The following CNNM2 variants were observed in gnomAD, a reference collection of about 807,000 sequenced individuals.
CNNM2 encodes metal transporter CNNM2.
A neutral mutation model predicts 66.9 loss-of-function variants in CNNM2; 12 were observed. That is an observed-to-expected ratio of 0.18 (90% CI 0.11 to 0.29). The LOEUF is 0.29. Ranked by LOEUF, CNNM2 falls within the 10% of genes least tolerant of loss-of-function variation. The pLI is 1.00. For synonymous variants in CNNM2, 557 were observed against 501.8 expected (o/e 1.11, Z -1.47); for missense variants, 705 against 1,167.7 (o/e 0.60, Z 5.77).
Position 103,054,351 on chromosome 10 carries a change from A to G in CNNM2, c.1788A>G (p.Lys596=). The G allele has an allele frequency of 6.2e-7, 1 of 1,613,982 alleles. No homozygotes were observed. The highest frequency in any genetic ancestry group is 8.5e-7 in the Non-Finnish European group (1 of 1,179,870). The part of the protein sequence containing the change: ...DLYTDNRTKK[K]VAHRERKQDF... ...TAGCTGACAACAGAACGAAAAAGAA[A>G]GTGGCTCACCGGGAACGAAAGCAAG... is the stretch of plus-strand genomic sequence containing the variant. The change falls in exon 3 of 8, where the codon AAA becomes AAG. Residue 596 remains lysine (K), a synonymous_variant. Coordinates refer to ENST00000369878, the MANE Select transcript of CNNM2 (RefSeq NM_017649.5). This position sits in a 1 kb window ranked among gnomAD's most constrained non-coding sequence, Gnocchi z 5.2.
chr10:102,924,736 C>T (rs1845790256), intron 1 of CNNM2, among the ~76,000 whole-genome samples: 1 of 151,888 alleles, frequency 6.6e-6, no homozygotes, highest in South Asian at 2.1e-4. Flanking sequence ...TTCCAAGGTG[C>T]TGGGATTACA....
At chr10:103,066,200 G>A (rs1447712778) in intron 4 of CNNM2, among the ~76,000 whole-genome samples, 1 of 151,804 alleles carries the variant, frequency 6.6e-6, no homozygotes, top group Admixed American at 6.6e-5. Flanking sequence ...CTCTGCCATG[G>A]TCCTGTTATG....
chr10:102,980,130 G>T (rs1048199387), intron 1 of CNNM2, among the ~76,000 whole-genome samples: 2 of 151,750 alleles, frequency 1.3e-5, no homozygotes, highest in African/African-American at 4.8e-5. Context: ...TGGCAGGCTG[G>T]TCTCAGACGC....
chr10:103,020,966 T>C (rs2064564352), intron 1 of CNNM2, among the ~76,000 whole-genome samples: 1 of 152,120 alleles, frequency 6.6e-6, no homozygotes, highest in South Asian at 2.1e-4. Flanking sequence ...GGAGTGATCA[T>C]AGAAGAGAGT....
chr10:102,989,469 A>G (rs2063856906), intron 1 of CNNM2, among the ~76,000 whole-genome samples: 2 of 151,058 alleles, frequency 1.3e-5, no homozygotes, highest in Admixed American at 1.3e-4. Flanking sequence ...TATTTGCTTT[A>G]TGTTCTTAAA....
intron 1 of CNNM2, among the ~76,000 whole-genome samples, chr10:102,930,128 T>C (rs140270965): frequency 2.0e-5 from 3 of 152,242 alleles, no homozygotes; most frequent in East Asian, 3.9e-4. Flanking sequence ...TGGAAGTAAA[T>C]ATCTAACACT....
At chr10:103,048,907 G>C (rs990329008) in intron 1 of CNNM2, among the ~76,000 whole-genome samples, 1 of 152,126 alleles carries the variant, frequency 6.6e-6, no homozygotes, top group African/African-American at 2.4e-5. Flanking sequence ...CTAGGCTGGA[G>C]TGCAGTGGCT....
chr10:103,028,306 TTC>T (rs2064746118), intron 1 of CNNM2, among the ~76,000 whole-genome samples: 1 of 152,250 alleles, frequency 6.6e-6, no homozygotes, highest in South Asian at 2.1e-4. Context: ...CATCTAGTCA[TTC>T]AGTAAACACT....
intron 1 of CNNM2, 71 bp from the exon 2 acceptor site, chr10:103,049,635 AC>A (rs1248870143): frequency 7.2e-7 from 1 of 1,391,910 alleles, no homozygotes; most frequent in African/African-American, 1.4e-5. Context: ...TGGTGTTTTT[AC>A]CATATCACAT....
At chr10:103,014,154 T>C (rs2064397011) in intron 1 of CNNM2, among the ~76,000 whole-genome samples, 1 of 152,232 alleles carries the variant, frequency 6.6e-6, no homozygotes, top group African/African-American at 2.4e-5. Flanking sequence ...GCTAGAATTT[T>C]AGACTCTTCA....
At position 102,943,462 on chromosome 10, in the gene CNNM2, A is replaced by T. The variant is rs549407872; in HGVS notation, c.1621+23361A>T. On this transcript the variant is annotated intron_variant, in intron 1 of 7. Coordinates refer to ENST00000369878, the MANE Select transcript of CNNM2 (RefSeq NM_017649.5). ...TCTCTAAAACAAAAAACAAAAAAAAATTACATACAAAACTGGTAGGAGATA... is the reference window on the plus strand; with the variant it reads ...TCTCTAAAACAAAAAACAAAAAAAATTTACATACAAAACTGGTAGGAGATA... 3.9e-5 allele frequency among the ~76,000 whole-genome samples: 6 copies of T among 152,246 alleles called. No homozygotes were observed. The South Asian group carries it at 1.2e-3, about 32-fold the overall frequency.
chr10:103,022,092 C>G (rs2064594338), intron 1 of CNNM2, among the ~76,000 whole-genome samples: 1 of 152,170 alleles, frequency 6.6e-6, no homozygotes, highest in African/African-American at 2.4e-5. Flanking sequence ...GAAGCAGCCA[C>G]AATTCTGACT....
intron 1 of CNNM2, among the ~76,000 whole-genome samples, chr10:102,932,440 T>C (rs542770048): frequency 6.6e-6 from 1 of 152,298 alleles, no homozygotes; most frequent in East Asian, 1.9e-4. Flanking sequence ...TGCCTATGTT[T>C]TCTTCTAAGA....
In CNNM2 at chr10:103,090,059, A is replaced by T; in HGVS notation, c.*12879A>T. On this transcript the variant is annotated 3_prime_UTR_variant, in exon 8 of 8. Coordinates refer to ENST00000369878, the MANE Select transcript of CNNM2 (RefSeq NM_017649.5). ...AATATAGACTTATCTTCATAGAACTACTTATAGTTGCCTGTCTTCCTCTCT... is the reference window on the plus strand; with the variant it reads ...AATATAGACTTATCTTCATAGAACTTCTTATAGTTGCCTGTCTTCCTCTCT... 1 of 537,462 alleles carries T rather than the reference A, an allele frequency of 1.9e-6. No individual in the cohort carries two copies. The highest frequency in any genetic ancestry group is 3.1e-5 in the East Asian group (1 of 32,186). The allele number at this position is 537,462 out of a possible 1,614,324, so 33.3% of individuals were successfully genotyped here. A position where few individuals can be genotyped will look rare whatever the true frequency, so the allele number is the denominator to read the frequency against.
At chr10:103,021,718 G>A (rs547545983) in intron 1 of CNNM2, among the ~76,000 whole-genome samples, 1 of 152,010 alleles carries the variant, frequency 6.6e-6, no homozygotes, top group South Asian at 2.1e-4. Context: ...GGGTTAAAGG[G>A]CAACATTGTC....
At chr10:102,998,292 T>C (rs1043963453) in intron 1 of CNNM2, among the ~76,000 whole-genome samples, 11 of 152,208 alleles carry the variant, frequency 7.2e-5, no homozygotes, top group Non-Finnish European at 1.5e-4. Flanking sequence ...CTTTATTTAG[T>C]AGGTGACAGA....
In CNNM2 at chr10:103,002,639, C is replaced by A. The variant is rs1188447195; in HGVS notation, c.1622-47068C>A. 3.3e-5 allele frequency among the ~76,000 whole-genome samples: 5 copies of A among 152,124 alleles called. No individual in the cohort carries two copies. The East Asian group carries it at 9.7e-4, about 29-fold the overall frequency. ...GGATTACAGGCATGCGCCACCACAC[C>A]CGGCTAATTTTGTATTTTTAGTAGA... is the stretch of plus-strand genomic sequence containing the variant. On this transcript the variant is annotated intron_variant, in intron 1 of 7. Transcript: ENST00000369878.
At position 103,006,212 on chromosome 10, in the gene CNNM2, C is replaced by CT. The variant is rs752126982; in HGVS notation, c.1622-43483dup. On this transcript the variant is annotated intron_variant, in intron 1 of 7. Transcript: ENST00000369878. ...TTGCTTTAGATTTATTTTCTTTTTT[C>CT]TTTTTTTTTTTTGAGATGGAGTCTG... Among the ~76,000 whole-genome samples the CT allele has an allele frequency of 0.011, 1,607 of 143,446 alleles. 13 individuals carry two copies. The highest frequency in any genetic ancestry group is 0.036 in the Admixed American group (523 of 14,350). 94.1% of individuals were successfully genotyped at this position (143,446 alleles called of 152,430 possible).
chr10:102,982,672 A>G (rs995556474), intron 1 of CNNM2, among the ~76,000 whole-genome samples: 1 of 152,138 alleles, frequency 6.6e-6, no homozygotes, highest in Non-Finnish European at 1.5e-5. Context: ...TCATGAGTGT[A>G]TTAATTTGAC....
Sources: allele counts gnomAD v4.1 joint callset (sites outside exome capture counted in the v4.1 genomes callset), GRCh38; gene constraint gnomAD v4.1.1; non-coding constraint Gnocchi (gnomAD v3.1); transcripts MANE v1.5; gene names NCBI Gene and HGNC (gene_info 2026-07-23, HGNC 2026-07-21).